The following PARD3 variants were observed in gnomAD, a reference collection of about 807,000 sequenced individuals.
PARD3 encodes the protein par-3 family cell polarity regulator.
A neutral mutation model predicts 155.4 loss-of-function variants in PARD3; 75 were observed. The observed-to-expected ratio is 0.48, with a 90% CI of 0.40 to 0.58. The LOEUF (loss-of-function observed/expected upper bound fraction) is 0.58, where lower values mean the gene tolerates loss of function less well. PARD3 is among the 20% of genes least tolerant of loss of function. The pLI is 0.00. For synonymous variants in PARD3, 576 were observed against 610.5 expected, an observed-to-expected ratio of 0.94 and a Z score of 0.83; for missense variants, 1,642 against 1,721.7, an observed-to-expected ratio of 0.95 and a Z score of 0.82.
chr10:34,735,356 A>G (rs1365787749), intron 1 of PARD3, among the ~76,000 whole-genome samples: 1 of 152,212 alleles, frequency 6.6e-6, no homozygotes, highest in Non-Finnish European at 1.5e-5. Flanking sequence ...TAAAGGAATA[A>G]AGTTATGATA....
At chr10:34,784,548 T>C (rs1840701263) in intron 1 of PARD3, among the ~76,000 whole-genome samples, 1 of 152,076 alleles carries the variant, frequency 6.6e-6, no homozygotes, top group African/African-American at 2.4e-5. Flanking sequence ...CAAGCGATTC[T>C]CCTGCCTCAG....
At chr10:34,581,213 G>A (rs1401095474) in intron 2 of PARD3, among the ~76,000 whole-genome samples, 1 of 139,810 alleles carries the variant, frequency 7.2e-6, no homozygotes, top group Non-Finnish European at 1.5e-5. Flanking sequence ...AATTTATTTT[G>A]GTTATTTTTC....
At chr10:34,652,335 A>T (rs1358771716) in intron 2 of PARD3, among the ~76,000 whole-genome samples, 1 of 152,224 alleles carries the variant, frequency 6.6e-6, no homozygotes, top group Non-Finnish European at 1.5e-5. Context: ...ATTGGCTGAG[A>T]TGAAAAGAAT....
chr10:34,756,460 CT>C (rs372775963), intron 1 of PARD3, among the ~76,000 whole-genome samples: 36,300 of 109,258 alleles, frequency 0.33, 6,930 homozygotes, highest in Non-Finnish European at 0.44. Flanking sequence ...GCCAATGCAC[CT>C]TTTTTTTTTT....
At chr10:34,232,494 T>C (rs1588874174) in intron 22 of PARD3, among the ~76,000 whole-genome samples, 2 of 152,134 alleles carry the variant, frequency 1.3e-5, no homozygotes, top group South Asian at 4.1e-4. Context: ...ACTTATCTTC[T>C]GAGATTTTTC....
intron 2 of PARD3, among the ~76,000 whole-genome samples, chr10:34,674,006 C>CGAAA (rs1564490557): frequency 1.5e-5 from 2 of 134,428 alleles, no homozygotes; most frequent in African/African-American, 2.6e-5. Context: ...AACAAACAAA[C>CGAAA]AGGAGGAGAG....
intron 15 of PARD3, chr10:34,344,421 T>G (rs1837183620): frequency 5.9e-6 from 3 of 507,138 alleles, no homozygotes; most frequent in Non-Finnish European, 7.6e-6. Context: ...TAGGTGGGAC[T>G]ACGGGTGTGC....
intron 2 of PARD3, among the ~76,000 whole-genome samples, chr10:34,602,565 G>A (rs991721379): frequency 1.3e-5 from 2 of 152,186 alleles, no homozygotes; most frequent in African/African-American, 4.8e-5. Flanking sequence ...AAAGAAAATT[G>A]TGGAAAAATC....
In PARD3 at chr10:34,450,399, T is replaced by C; in HGVS notation, c.632A>G (p.Asn211Ser). The C allele has an allele frequency of 1.2e-6, 2 of 1,613,934 alleles. No individual in the cohort carries two copies. The highest frequency in any genetic ancestry group is 1.1e-5 in the South Asian group (1 of 91,054). Residue 211 changes from asparagine to serine, a missense_variant, in exon 5 of 25, where the codon AAC (asparagine) becomes AGC (serine). Around this residue, in one of 3 missense-constraint regions of PARD3, gnomAD observed 1,529 missense variants for 1,587.3 expected, o/e 0.96. Transcript: ENST00000374788. ...GCGAGCATTGTCTCTCTGAAATTGG[T>C]TAGACCAGTTACTAGTATCCCGCGG... The part of the protein sequence containing the change: ...SLPRDTSNWS[N>S]QFQRDNARSS...
chr10:34,380,077 G>A (rs1203577195), intron 9 of PARD3, among the ~76,000 whole-genome samples: 1 of 151,936 alleles, frequency 6.6e-6, no homozygotes, highest in African/African-American at 2.4e-5. Flanking sequence ...GTAATAACTT[G>A]TAAGAAAAAA....
intron 22 of PARD3, among the ~76,000 whole-genome samples, chr10:34,263,790 T>A (rs1955152006): frequency 6.6e-6 from 1 of 152,236 alleles, no homozygotes; most frequent in Non-Finnish European, 1.5e-5. Context: ...GATAGCAGTG[T>A]CTTAAAGAAT....
intron 2 of PARD3, among the ~76,000 whole-genome samples, chr10:34,631,870 T>A (rs544250322): frequency 2.6e-4 from 40 of 152,224 alleles, no homozygotes; most frequent in Non-Finnish European, 4.6e-4. Flanking sequence ...AGTACTGGGA[T>A]TACAGGTGTG....
At chr10:34,292,718 TA>T (rs964917334) in intron 20 of PARD3, among the ~76,000 whole-genome samples, 30 of 150,656 alleles carry the variant, frequency 2.0e-4, no homozygotes, top group South Asian at 1.9e-3. Context: ...ACTTTATTAT[TA>T]TTATTTTTTT....
At chr10:34,224,389 C>G (rs562459469) in intron 22 of PARD3, among the ~76,000 whole-genome samples, 1 of 152,166 alleles carries the variant, frequency 6.6e-6, no homozygotes, top group Non-Finnish European at 1.5e-5. Flanking sequence ...ACTGAAACTC[C>G]CCCTCAGGGG....
intron 22 of PARD3, among the ~76,000 whole-genome samples, chr10:34,205,833 C>T (rs1034015877): frequency 4.6e-5 from 7 of 152,150 alleles, no homozygotes; most frequent in South Asian, 4.1e-4. Flanking sequence ...TTGTAGTTGG[C>T]GGCAGGCAGA....
intron 1 of PARD3, among the ~76,000 whole-genome samples, chr10:34,811,847 C>T (rs868243367): frequency 6.6e-6 from 1 of 152,174 alleles, no homozygotes; most frequent in South Asian, 2.1e-4. Context: ...CAGATGCAGA[C>T]ACGGTCCATC....
At chr10:34,720,160 C>T (rs774330607) in intron 1 of PARD3, among the ~76,000 whole-genome samples, 6 of 152,280 alleles carry the variant, frequency 3.9e-5, no homozygotes, top group East Asian at 1.9e-4. Flanking sequence ...CAAACGGGCA[C>T]GGCGGCTCAT....
intron 24 of PARD3, among the ~76,000 whole-genome samples, chr10:34,114,847 C>G (rs1946578699): frequency 6.6e-6 from 1 of 152,232 alleles, no homozygotes; most frequent in Non-Finnish European, 1.5e-5. Context: ...GTAACAACAG[C>G]AACAAAATAT....
At chr10:34,195,901 A>G (rs565585437) in intron 22 of PARD3, among the ~76,000 whole-genome samples, 1 of 152,332 alleles carries the variant, frequency 6.6e-6, no homozygotes, top group East Asian at 1.9e-4. Context: ...GGTACGGTAC[A>G]CGTGGATAAC....
Sources: allele counts gnomAD v4.1 joint callset (sites outside exome capture counted in the v4.1 genomes callset), GRCh38; gene constraint gnomAD v4.1.1; regional missense constraint gnomAD v4.1.1; transcripts MANE v1.5; gene names NCBI Gene and HGNC (gene_info 2026-07-23, HGNC 2026-07-21).